Variants in CDV3 observed in about 807,000 individuals in gnomAD.
CDV3 encodes CDV3 homolog.
A neutral mutation model predicts 24.5 loss-of-function variants in CDV3; 14 were observed. That is an observed-to-expected ratio of 0.57 (90% CI 0.38 to 0.89). The LOEUF is 0.89. CDV3 is among the 40% of genes least tolerant of loss of function. CDV3 has a pLI of 0.00. For missense variants in CDV3, 304 were observed against 310.2 expected (o/e 0.98, Z 0.15); for synonymous variants, 114 against 114.1 (o/e 1.00, Z 0.00).
chr3:133,576,032 TTTCC>T (rs2074793064), intron 2 of CDV3, among the ~76,000 whole-genome samples: 1 of 152,242 alleles, frequency 6.6e-6, no homozygotes, highest in Non-Finnish European at 1.5e-5. Context: ...GAGGAAATAC[TTTCC>T]TTAACTGAAA....
chr3:133,582,278 T>C (rs1933117455), intron 2 of CDV3, among the ~76,000 whole-genome samples: 1 of 152,188 alleles, frequency 6.6e-6, no homozygotes, highest in Admixed American at 6.5e-5. Flanking sequence ...TGCCTCAGCC[T>C]CCCAAGTAGC....
chr3:133,580,475 G>A (rs2074972758), intron 2 of CDV3, among the ~76,000 whole-genome samples: 1 of 152,232 alleles, frequency 6.6e-6, no homozygotes, highest in Non-Finnish European at 1.5e-5. Flanking sequence ...GGCTGAGGCA[G>A]GTGGATTACT....
intron 1 of CDV3, 109 bp downstream of exon 1, chr3:133,574,393 G>C: frequency 1.1e-6 from 1 of 951,100 alleles, no homozygotes; most frequent in Non-Finnish European, 1.3e-6. Context: ...GAGGCCGGGC[G>C]GACGGGCGCG....
At chr3:133,575,309 G>T (rs1226356739) in intron 2 of CDV3, among the ~76,000 whole-genome samples, 194 bp downstream of exon 2, 1 of 152,322 alleles carries the variant, frequency 6.6e-6, no homozygotes, top group Non-Finnish European at 1.5e-5. Flanking sequence ...GAAATTAGCT[G>T]CTGACTCTAA....
In CDV3 at chr3:133,587,367, C is replaced by T. The variant is rs185919750; in HGVS notation, c.627-529C>T. 3,807 of 1,235,276 alleles carry T rather than the reference C, an allele frequency of 3.1e-3. 10 individuals are homozygous for T. Among genetic ancestry groups the T allele is most frequent in the Non-Finnish European group, 3.6e-3 (3,480 of 979,832 alleles). The allele number at this position is 1,235,276 out of a possible 1,614,324, so 76.5% of individuals were successfully genotyped here. On this transcript the variant is annotated intron_variant, in intron 4 of 4. Coordinates refer to ENST00000264993, the MANE Select transcript of CDV3 (RefSeq NM_017548.5). ...GCACAGCTGGCTTGAATTTAAACCT[C>T]CACGTGGACTTGCTCCTCTGCTCTG... is the stretch of plus-strand genomic sequence containing the variant.
chr3:133,576,951 G>A (rs769827197), intron 2 of CDV3, among the ~76,000 whole-genome samples: 2 of 146,048 alleles, frequency 1.4e-5, no homozygotes, highest in Non-Finnish European at 3.0e-5. Context: ...GGTTTCAAGC[G>A]ATTCTTCTGC....
At chr3:133,578,797 T>C (rs113302400) in intron 2 of CDV3, among the ~76,000 whole-genome samples, 2,112 of 152,328 alleles carry the variant, frequency 0.014, 40 homozygotes, top group African/African-American at 0.048. Context: ...ATTTTTGTTT[T>C]AGCTGCTTCC....
chr3:133,587,612 C>T, intron 4 of CDV3: 9 of 1,146,882 alleles, frequency 7.8e-6, no homozygotes, highest in Non-Finnish European at 9.6e-6. Context: ...GGAGGAATGT[C>T]ATTACACAGC....
chr3:133,574,317 G>C, intron 1 of CDV3, 33 bp downstream of exon 1: 1 of 945,482 alleles, frequency 1.1e-6, no homozygotes, highest in Non-Finnish European at 1.3e-6. Flanking sequence ...CTCGGGGCCC[G>C]GGCCGCGCGC....
chr3:133,588,211 T>C lies in CDV3; in HGVS notation c.*165T>C. ...GGAAGTTAAAGTGTCACGACTGCTC[T>C]ATGCATATTGGATTTAGGGGAATTT... is the stretch of plus-strand genomic sequence containing the variant. On this transcript the variant is annotated 3_prime_UTR_variant, in exon 5 of 5. Coordinates refer to ENST00000264993, the MANE Select transcript of CDV3 (RefSeq NM_017548.5). 1 of 1,537,318 alleles carries C rather than the reference T, an allele frequency of 6.5e-7. No individual in the cohort carries two copies. The highest frequency in any genetic ancestry group is 8.8e-7 in the Non-Finnish European group (1 of 1,141,324).
At chr3:133,582,064 GTTC>G (rs1457682216) in intron 2 of CDV3, among the ~76,000 whole-genome samples, 2 of 152,094 alleles carry the variant, frequency 1.3e-5, no homozygotes, top group African/African-American at 2.4e-5. Flanking sequence ...AGATAAATCT[GTTC>G]TTCTTTCCAC....
Position 133,588,799 on chromosome 3 carries a change from T to C in CDV3, c.*753T>C, listed in dbSNP as rs1431402723. The C allele has an allele frequency of 3.6e-5, 1 of 27,794 alleles. No individual in the cohort carries two copies. The highest frequency in any genetic ancestry group is 1.1e-4 in the Non-Finnish European group (1 of 8,932). The allele number at this position is 27,794 out of a possible 1,614,324, so 1.7% of individuals were successfully genotyped here. On this transcript the variant is annotated 3_prime_UTR_variant, in exon 5 of 5. Transcript: ENST00000264993. ...GAAGGGAGAGAATAATCTTGGGGGT[T>C]TTTTTTTTTTGGTAATTTTTTTATT... is the stretch of plus-strand genomic sequence containing the variant.
chr3:133,576,651 G>C (rs1344487520), intron 2 of CDV3, among the ~76,000 whole-genome samples: 3 of 152,104 alleles, frequency 2.0e-5, no homozygotes, highest in Admixed American at 6.6e-5. Flanking sequence ...AACAGAACCT[G>C]TGTTTTTCTG....
chr3:133,589,952 A>AT lies in CDV3; in HGVS notation c.*1912dup, dbSNP rs1044869192. 2.2e-4 allele frequency: 33 copies of AT among 152,276 alleles called. No homozygotes were observed. Among genetic ancestry groups the AT allele is most frequent in the Admixed American group, 9.8e-4 (15 of 15,284 alleles). The allele number at this position is 152,276 out of a possible 1,614,324, so 9.4% of individuals were successfully genotyped here. On this transcript the variant is annotated 3_prime_UTR_variant, in exon 5 of 5. Transcript: ENST00000264993. ...TCGTTGAACTGTGCATTTTCCCTGC[A>AT]TTTTTTCCCAACAAAATTTTGTTGG...
chr3:133,575,850 T>C (rs1463844422), intron 2 of CDV3, among the ~76,000 whole-genome samples: 1 of 152,228 alleles, frequency 6.6e-6, no homozygotes, highest in East Asian at 1.9e-4. Flanking sequence ...GTTAAGTAAG[T>C]GCTATATTTT....
chr3:133,579,972 AT>A (rs1370793381), intron 2 of CDV3, among the ~76,000 whole-genome samples: 8 of 152,150 alleles, frequency 5.3e-5, no homozygotes, highest in African/African-American at 1.9e-4. Context: ...ATACTTATTT[AT>A]TTTTATTATT....
Position 133,584,159 on chromosome 3 carries a change from A to G in CDV3, c.466+9A>G. 6.9e-6 allele frequency: 11 copies of G among 1,583,250 alleles called. No homozygotes were observed. The highest frequency in any genetic ancestry group is 9.4e-6 in the Non-Finnish European group (11 of 1,166,312). ...TCCTGCTCCAGTAATTGGTAATTTT[A>G]CTATTTCAGTTTCAGAAAGATGTCT... On this transcript the variant is annotated intron_variant, in intron 3 of 4. Coordinates refer to ENST00000264993, the MANE Select transcript of CDV3 (RefSeq NM_017548.5).
intron 1 of CDV3, 141 bp downstream of exon 1, chr3:133,574,425 C>G (rs1323633204): frequency 7.1e-6 from 7 of 982,684 alleles, no homozygotes; most frequent in Middle Eastern, 5.2e-4. Context: ...GACGCAGGCT[C>G]TCCACCTCGG....
intron 1 of CDV3, 140 bp downstream of exon 1, chr3:133,574,424 TCTCCAC>T (rs1013342772): frequency 1.0e-6 from 1 of 981,222 alleles, no homozygotes; most frequent in African/African-American, 1.8e-5. Flanking sequence ...TGACGCAGGC[TCTCCAC>T]CTCGGGCTGG....
Sources: gnomAD v4.1 joint callset for allele counts (sites outside exome capture counted in the v4.1 genomes callset) on GRCh38, gnomAD v4.1.1 for gene constraint, MANE v1.5 for transcripts, NCBI Gene and HGNC (gene_info 2026-07-23, HGNC 2026-07-21) for gene names.